Variants in SLC13A1 observed in about 807,000 individuals in gnomAD.
SLC13A1 encodes the protein Na(+)/sulfate cotransporter.
SLC13A1 carries 65 observed loss-of-function variants against 70.0 expected under a neutral mutation model. The ratio of observed to expected loss-of-function variants is 0.93; its 90% CI spans 0.76 to 1.14. The LOEUF (loss-of-function observed/expected upper bound fraction) is 1.14, where lower values mean the gene tolerates loss of function less well. Among genes scored for constraint, SLC13A1 ranks in the 50% most tolerant of loss-of-function variants. The pLI is 0.00. For missense variants in SLC13A1, 726 were observed against 717.8 expected, an observed-to-expected ratio of 1.01 and a Z score of -0.13; for synonymous variants, 275 against 250.5, an observed-to-expected ratio of 1.10 and a Z score of -0.92.
intron 13 of SLC13A1, among the ~76,000 whole-genome samples, chr7:123,118,058 A>G (rs1793241634): frequency 6.6e-6 from 1 of 151,950 alleles, no homozygotes; most frequent in South Asian, 2.1e-4. Flanking sequence ...CAAATAACAT[A>G]AAGAAACAGA....
At chr7:123,193,201 C>G (rs1410202463) in intron 1 of SLC13A1, among the ~76,000 whole-genome samples, 2 of 152,160 alleles carry the variant, frequency 1.3e-5, no homozygotes, top group African/African-American at 4.8e-5. Flanking sequence ...GCATCCTACA[C>G]TTCACATTAA....
At chr7:123,178,031 C>CTATATA (rs926342634) in intron 2 of SLC13A1, among the ~76,000 whole-genome samples, 1 of 148,540 alleles carries the variant, frequency 6.7e-6, no homozygotes. Flanking sequence ...CTCTCTCTCT[C>CTATATA]TCTATATATA....
At chr7:123,164,091 G>C (rs1794998473) in intron 6 of SLC13A1, among the ~76,000 whole-genome samples, 1 of 151,972 alleles carries the variant, frequency 6.6e-6, no homozygotes, top group Non-Finnish European at 1.5e-5. Flanking sequence ...CATGCTTTTG[G>C]ATAAAGTAGG....
intron 7 of SLC13A1, among the ~76,000 whole-genome samples, chr7:123,146,153 C>T (rs923067710): frequency 6.6e-6 from 1 of 152,166 alleles, no homozygotes; most frequent in Non-Finnish European, 1.5e-5. Flanking sequence ...TGAATTCTCA[C>T]AATAACCCTA....
At chr7:123,191,099 T>A (rs1795981872) in intron 1 of SLC13A1, among the ~76,000 whole-genome samples, 1 of 152,202 alleles carries the variant, frequency 6.6e-6, no homozygotes, top group Non-Finnish European at 1.5e-5. Context: ...GCACTCCTTG[T>A]TTCTCATCTA....
intron 8 of SLC13A1, among the ~76,000 whole-genome samples, chr7:123,133,350 T>C (rs1284667995): frequency 2.0e-5 from 3 of 152,076 alleles, no homozygotes; most frequent in African/African-American, 4.8e-5. Context: ...GGAAGCCCTA[T>C]AGGTCACAGT....
chr7:123,173,234 A>G (rs1288471392), intron 2 of SLC13A1, among the ~76,000 whole-genome samples: 1 of 152,184 alleles, frequency 6.6e-6, no homozygotes, highest in Non-Finnish European at 1.5e-5. Flanking sequence ...CTGCATTTTT[A>G]ACATAATTTG....
intron 7 of SLC13A1, among the ~76,000 whole-genome samples, chr7:123,145,616 C>T (rs547493056): frequency 9.9e-5 from 15 of 152,252 alleles, no homozygotes; most frequent in South Asian, 8.3e-4. Context: ...TTAGGGGATA[C>T]ATTGGATAAA....
chr7:123,166,544 CT>C lies in SLC13A1; in HGVS notation c.660+1829del, dbSNP rs1291939082. Among the ~76,000 whole-genome samples, 11 of 152,178 alleles carry C rather than the reference CT, an allele frequency of 7.2e-5. No homozygotes were observed. In the South Asian group the frequency reaches 8.3e-4, roughly 11 times the overall value. On this transcript the variant is annotated intron_variant, in intron 6 of 14. Coordinates refer to ENST00000194130, the MANE Select transcript of SLC13A1 (RefSeq NM_022444.4). ...TATCTCCTAATGCTATCCGTCCCCC[CT>C]TCCCCCACCACACAACAGGCCCCAG...
rs1426895442 is a variant in SLC13A1, at chr7:123,189,129, A to AG, written c.100-8029_100-8028insC. 5.4e-4 allele frequency among the ~76,000 whole-genome samples: 81 copies of AG among 150,622 alleles called. 1 individual carries two copies. Among genetic ancestry groups the AG allele is most frequent in the African/African-American group, 1.3e-3 (53 of 41,228 alleles). On this transcript the variant is annotated intron_variant, in intron 1 of 14. Coordinates refer to ENST00000194130, the MANE Select transcript of SLC13A1 (RefSeq NM_022444.4). Reference sequence around the variant, plus strand: ...GACTCCGTCTCAAAAAAAAAAAAAAAAAAGAAAGAAAATCTTTCTACATTA... The same window carrying AG: ...GACTCCGTCTCAAAAAAAAAAAAAAAGAAAGAAAGAAAATCTTTCTACATTA...
intron 2 of SLC13A1, among the ~76,000 whole-genome samples, chr7:123,178,007 A>C (rs1403629915): frequency 8.2e-6 from 1 of 121,444 alleles, no homozygotes; most frequent in Non-Finnish European, 1.8e-5. Flanking sequence ...TAACACCTAT[A>C]TCTCTCTCTT....
chr7:123,143,258 C>G (rs952977348), intron 7 of SLC13A1, among the ~76,000 whole-genome samples: 1 of 152,148 alleles, frequency 6.6e-6, no homozygotes, highest in Admixed American at 6.5e-5. Context: ...ACATTCCCCC[C>G]ACACAAGTCC....
At chr7:123,123,002 C>A in intron 12 of SLC13A1, 124 bp downstream of exon 12, 1 of 718,104 alleles carries the variant, frequency 1.4e-6, no homozygotes, top group Middle Eastern at 2.4e-4. Context: ...CACTGCATAG[C>A]TAGCAAAATT....
intron 7 of SLC13A1, among the ~76,000 whole-genome samples, chr7:123,138,743 G>T (rs1047454055): frequency 6.6e-6 from 1 of 151,858 alleles, no homozygotes; most frequent in African/African-American, 2.4e-5. Flanking sequence ...CAAATATTTT[G>T]CCCATTTTTA....
intron 2 of SLC13A1, among the ~76,000 whole-genome samples, chr7:123,176,544 C>T (rs1209285582): frequency 1.3e-5 from 2 of 152,272 alleles, no homozygotes; most frequent in East Asian, 3.9e-4. Context: ...AGTTCAGCAA[C>T]CTTTCTACAA....
intron 13 of SLC13A1, 57 bp from the exon 14 acceptor site, chr7:123,117,665 T>TA (rs77661092): frequency 0.028 from 23,549 of 846,708 alleles, no homozygotes; most frequent in Non-Finnish European, 0.031. Context: ...ACACGAAACA[T>TA]AAAAAAAAAA....
intron 6 of SLC13A1, among the ~76,000 whole-genome samples, chr7:123,162,768 T>C (rs1019822729): frequency 6.6e-6 from 1 of 152,092 alleles, no homozygotes; most frequent in Non-Finnish European, 1.5e-5. Context: ...TCCTTTGAAT[T>C]TTTGGAGAAC....
At chr7:123,129,034 C>T (rs1187418658) in intron 9 of SLC13A1, 88 bp from the exon 10 acceptor site, 6 of 854,104 alleles carry the variant, frequency 7.0e-6, no homozygotes, top group Non-Finnish European at 1.2e-5. Flanking sequence ...GGAATGATCG[C>T]AGTAGAACAC....
At chr7:123,185,034 G>C (rs1035125863) in intron 1 of SLC13A1, among the ~76,000 whole-genome samples, 7 of 151,982 alleles carry the variant, frequency 4.6e-5, no homozygotes, top group African/African-American at 1.7e-4. Context: ...TTTCCCAGAA[G>C]AGTGATGTCG....
Sources: gnomAD v4.1 joint callset for allele counts (sites outside exome capture counted in the v4.1 genomes callset) on GRCh38, gnomAD v4.1.1 for gene constraint, MANE v1.5 for transcripts, NCBI Gene and HGNC (gene_info 2026-07-23, HGNC 2026-07-21) for gene names.